The following KCNQ1 variants were observed in gnomAD, a reference collection of about 807,000 sequenced individuals.
KCNQ1 encodes potassium voltage-gated channel subfamily KQT member 1.
In KCNQ1, 49 loss-of-function variants were observed where a neutral mutation model predicts 72.4. That is an observed-to-expected ratio of 0.68 (90% confidence interval 0.54 to 0.86). The LOEUF (loss-of-function observed/expected upper bound fraction) is 0.86. Among genes scored for constraint, KCNQ1 ranks in the 40% least tolerant of loss-of-function variants. The probability of loss-of-function intolerance (pLI) is 0.00; values close to 1 mark genes in which losing one functional copy is unlikely to be tolerated. For missense variants in KCNQ1, 790 were observed against 945.1 expected (o/e 0.84, Z 2.15); for synonymous variants, 450 against 412.6 (o/e 1.09, Z -1.10).
chr11:2,529,783 T>TG (rs146130910), intron 2 of KCNQ1, among the ~76,000 whole-genome samples: 6,125 of 152,254 alleles, frequency 0.04, 262 homozygotes, highest in African/African-American at 0.11. Context: ...TGTCCAGAGC[T>TG]GGGGGTGGTA....
chr11:2,593,024 T>C lies in KCNQ1; in HGVS notation c.1393+4170T>C, dbSNP rs530062555. Among the ~76,000 whole-genome samples the C allele has an allele frequency of 6.6e-6, 1 of 152,300 alleles. No individual in the cohort carries two copies. Among genetic ancestry groups the C allele is most frequent in the Admixed American group, 6.5e-5 (1 of 15,300 alleles). Reference sequence around the variant, plus strand: ...CTACCCTGCCCCTCCTCCACTCCAGTTGTCTCCACAGCCAGGTCACCATTG... The same window carrying C: ...CTACCCTGCCCCTCCTCCACTCCAGCTGTCTCCACAGCCAGGTCACCATTG... On this transcript the variant is annotated intron_variant, in intron 10 of 15. Transcript: ENST00000155840. This position sits in a 1 kb window ranked among gnomAD's most constrained non-coding sequence, Gnocchi z 6.9.
At chr11:2,553,582 A>T (rs1848022222) in intron 2 of KCNQ1, among the ~76,000 whole-genome samples, 1 of 152,234 alleles carries the variant, frequency 6.6e-6, no homozygotes, top group African/African-American at 2.4e-5. Flanking sequence ...AGTGTGGGGA[A>T]TCGCACTGAT....
rs1850161479 is a variant in KCNQ1, at chr11:2,670,376, C to T, written c.1514+8295C>T. 2.5e-6 allele frequency: 1 copy of T among 398,228 alleles called. No homozygotes were observed. Among genetic ancestry groups the T allele is most frequent in the Non-Finnish European group, 4.4e-6 (1 of 226,020 alleles). 24.7% of individuals were successfully genotyped at this position (398,228 alleles called of 1,614,324 possible). On this transcript the variant is annotated intron_variant, in intron 11 of 15. Transcript: ENST00000155840. The surrounding 1 kb of genome is among the most constrained non-coding windows in gnomAD (Gnocchi z 4.9). ...AGATGGTTAGTATAGGCTGAAATTC[C>T]AAGAGCATTAACCAGACACCTACTA...
Position 2,621,585 on chromosome 11 carries a change from C to A in KCNQ1, c.1393+32731C>A. ...TCTCTTTGCTATTGGTCTGTTCAGG[C>A]TTTCTATTCCTGATTTAATCTTAGC... On this transcript the variant is annotated intron_variant, in intron 10 of 15. Coordinates refer to ENST00000155840, the MANE Select transcript of KCNQ1 (RefSeq NM_000218.3). This position sits in a 1 kb window ranked among gnomAD's most constrained non-coding sequence, Gnocchi z 5.7. The A allele has an allele frequency of 2.5e-6, 1 of 398,410 alleles. No homozygotes were observed. The highest frequency in any genetic ancestry group is 4.4e-6 in the Non-Finnish European group (1 of 226,002). 24.7% of individuals were successfully genotyped at this position (398,410 alleles called of 1,614,324 possible). A position where few individuals can be genotyped will look rare whatever the true frequency, so the allele number is the denominator to read the frequency against.
rs934532857 is a variant in KCNQ1, at chr11:2,752,846, G to A, written c.1515-15998G>A. On this transcript the variant is annotated intron_variant, in intron 11 of 15. Coordinates refer to ENST00000155840, the MANE Select transcript of KCNQ1 (RefSeq NM_000218.3). The surrounding 1 kb of genome is among the most constrained non-coding windows in gnomAD (Gnocchi z 5.2). The stretch of plus-strand genomic sequence containing the variant: ...ACTGGTTCCTTTCTTTCGGTTCTGG[G>A]TTATGTCAAAATGAGTTCCCTTTGC... Among the ~76,000 whole-genome samples the A allele has an allele frequency of 9.9e-5, 15 of 152,248 alleles. No individual in the cohort carries two copies. The highest frequency in any genetic ancestry group is 6.5e-4 in the Admixed American group (10 of 15,294).
chr11:2,663,789 T>C lies in KCNQ1; in HGVS notation c.1514+1708T>C, dbSNP rs1850012599. ...CACAGCCAAACTTGCAGCTGCCCAG[T>C]AAATCACCACTATGGGGGTGAGGGC... On this transcript the variant is annotated intron_variant, in intron 11 of 15. Coordinates refer to ENST00000155840, the MANE Select transcript of KCNQ1 (RefSeq NM_000218.3). The surrounding 1 kb of genome is among the most constrained non-coding windows in gnomAD (Gnocchi z 5.2). The C allele has an allele frequency of 2.5e-6, 1 of 398,564 alleles. No homozygotes were observed. The highest frequency in any genetic ancestry group is 1.3e-4 in the South Asian group (1 of 7,862). 24.7% of individuals were successfully genotyped at this position (398,564 alleles called of 1,614,324 possible).
Position 2,488,585 on chromosome 11 carries a change from T to C in KCNQ1, c.387-39343T>C, listed in dbSNP as rs991493185. On this transcript the variant is annotated intron_variant, in intron 1 of 15. Transcript: ENST00000155840. The surrounding 1 kb of genome is among the most constrained non-coding windows in gnomAD (Gnocchi z 5.1). ...TCTTTGTGATTTAGTTTTGGTAGGT[T>C]TCGTGTTTCTCAGAATTTGTCCATT... is the stretch of plus-strand genomic sequence containing the variant. Among the ~76,000 whole-genome samples, 1 of 152,212 alleles carries C rather than the reference T, an allele frequency of 6.6e-6. No individual in the cohort carries two copies. The highest frequency in any genetic ancestry group is 2.4e-5 in the African/African-American group (1 of 41,446).
chr11:2,767,881 G>A lies in KCNQ1; in HGVS notation c.1515-963G>A, dbSNP rs544104871. On this transcript the variant is annotated intron_variant, in intron 11 of 15. Coordinates refer to ENST00000155840, the MANE Select transcript of KCNQ1 (RefSeq NM_000218.3). The surrounding 1 kb of genome is among the most constrained non-coding windows in gnomAD (Gnocchi z 4.6). Reference sequence around the variant, plus strand: ...TAGAGGACCAGAATCTTTTTCCCTCGTGTCCTGGCTGTCCTGTGGCCCTGG... The same window carrying A: ...TAGAGGACCAGAATCTTTTTCCCTCATGTCCTGGCTGTCCTGTGGCCCTGG... 1.1e-4 allele frequency among the ~76,000 whole-genome samples: 17 copies of A among 152,192 alleles called. No homozygotes were observed. The highest frequency in any genetic ancestry group is 1.6e-4 in the Non-Finnish European group (11 of 68,028).
rs923754980 is a variant in KCNQ1, at chr11:2,690,299, T to C, written c.1514+28218T>C. 3 of 398,588 alleles carry C rather than the reference T, an allele frequency of 7.5e-6. No individual in the cohort carries two copies. The highest frequency in any genetic ancestry group is 4.1e-5 in the African/African-American group (2 of 48,644). The allele number at this position is 398,588 out of a possible 1,614,324, so 24.7% of individuals were successfully genotyped here. On this transcript the variant is annotated intron_variant, in intron 11 of 15. Transcript: ENST00000155840. The surrounding 1 kb of genome is among the most constrained non-coding windows in gnomAD (Gnocchi z 5.1). ...CATATGTGTAGTGTCTTCCTCCCTG[T>C]AGGATTGTCACAAGGATTAAATGAT...
intron 1 of KCNQ1, among the ~76,000 whole-genome samples, chr11:2,511,585 CA>C (rs1234331842): frequency 6.6e-6 from 1 of 152,220 alleles, no homozygotes; most frequent in Non-Finnish European, 1.5e-5. Flanking sequence ...CCCCTCCTGC[CA>C]GAGCTGGGCT....
Position 2,683,995 on chromosome 11 carries a change from G to A in KCNQ1, c.1514+21914G>A. The A allele has an allele frequency of 2.5e-6, 1 of 397,862 alleles. No homozygotes were observed. The highest frequency in any genetic ancestry group is 4.4e-6 in the Non-Finnish European group (1 of 225,974). 24.6% of individuals were successfully genotyped at this position (397,862 alleles called of 1,614,324 possible). On this transcript the variant is annotated intron_variant, in intron 11 of 15. Transcript: ENST00000155840. This position sits in a 1 kb window ranked among gnomAD's most constrained non-coding sequence, Gnocchi z 4.7. Reference sequence around the variant, plus strand: ...TTTTTCATTTAGAAGAATTTCCTTGGCAACTCCGTCTCTCCTTAGTCAACA... The same window carrying A: ...TTTTTCATTTAGAAGAATTTCCTTGACAACTCCGTCTCTCCTTAGTCAACA...
In KCNQ1 at chr11:2,477,814, A is replaced by G. The variant is rs991251440; in HGVS notation, c.386+32330A>G. ...ATTATAATTCATGAAAAAAGAATCTATGCATCCACAGGGACACACCCATGT... is the reference window on the plus strand; with the variant it reads ...ATTATAATTCATGAAAAAAGAATCTGTGCATCCACAGGGACACACCCATGT... On this transcript the variant is annotated intron_variant, in intron 1 of 15. Coordinates refer to ENST00000155840, the MANE Select transcript of KCNQ1 (RefSeq NM_000218.3). This position sits in a 1 kb window ranked among gnomAD's most constrained non-coding sequence, Gnocchi z 5.0. 3.3e-5 allele frequency among the ~76,000 whole-genome samples: 5 copies of G among 152,124 alleles called. No homozygotes were observed. Among genetic ancestry groups the G allele is most frequent in the African/African-American group, 9.7e-5 (4 of 41,422 alleles).
Position 2,588,354 on chromosome 11 carries a change from C to T in KCNQ1, c.1252-359C>T, listed in dbSNP as rs759317456. On this transcript the variant is annotated intron_variant, in intron 9 of 15. Coordinates refer to ENST00000155840, the MANE Select transcript of KCNQ1 (RefSeq NM_000218.3). The surrounding 1 kb of genome is among the most constrained non-coding windows in gnomAD (Gnocchi z 5.6). ...AGCCTGCTCCCTCACTTCAGGCGCC[C>T]TCTTCATGCCCTGCTGGCCCCCAGC... 2.0e-5 allele frequency among the ~76,000 whole-genome samples: 3 copies of T among 152,226 alleles called. No individual in the cohort carries two copies. The highest frequency in any genetic ancestry group is 4.4e-5 in the Non-Finnish European group (3 of 68,030).
At chr11:2,582,889 C>G (rs538412326) in intron 6 of KCNQ1, among the ~76,000 whole-genome samples, 4 of 152,166 alleles carry the variant, frequency 2.6e-5, no homozygotes, top group African/African-American at 9.7e-5. Context: ...TCCCACCACA[C>G]GTCCTGGACG....
In KCNQ1 at chr11:2,652,302, A is replaced by G; in HGVS notation, c.1394-9659A>G. Reference sequence around the variant, plus strand: ...GGTTTCCAAGGCTTCTCCCTCACTAATTGCTTTGATTATTGTGTGAAGTTA... The same window carrying G: ...GGTTTCCAAGGCTTCTCCCTCACTAGTTGCTTTGATTATTGTGTGAAGTTA... On this transcript the variant is annotated intron_variant, in intron 10 of 15. Coordinates refer to ENST00000155840, the MANE Select transcript of KCNQ1 (RefSeq NM_000218.3). The surrounding 1 kb of genome is among the most constrained non-coding windows in gnomAD (Gnocchi z 5.9). 2.5e-6 allele frequency: 1 copy of G among 398,610 alleles called. No homozygotes were observed. Among genetic ancestry groups the G allele is most frequent in the Non-Finnish European group, 4.4e-6 (1 of 226,060 alleles). 24.7% of individuals were successfully genotyped at this position (398,610 alleles called of 1,614,324 possible).
chr11:2,699,553 C>T (rs191701792), intron 11 of KCNQ1: 9 of 332,474 alleles, frequency 2.7e-5, no homozygotes, highest in African/African-American at 7.7e-5. Context: ...GAGGACCGCG[C>T]GGAGGAGAAC....
chr11:2,596,927 T>C (rs1388589295), intron 10 of KCNQ1, among the ~76,000 whole-genome samples: 1 of 151,792 alleles, frequency 6.6e-6, no homozygotes, highest in Non-Finnish European at 1.5e-5. Context: ...ATACTGAAAA[T>C]AATTTTTTAT....
At position 2,654,394 on chromosome 11, in the gene KCNQ1, C is replaced by T. The variant is rs926170712; in HGVS notation, c.1394-7567C>T. ...GTGAAGTAGGCTGGCTCAGGGAACTCGCCTGTGCCAAACCCTGGGGAGACA... is the reference window on the plus strand; with the variant it reads ...GTGAAGTAGGCTGGCTCAGGGAACTTGCCTGTGCCAAACCCTGGGGAGACA... On this transcript the variant is annotated intron_variant, in intron 10 of 15. Transcript: ENST00000155840. The surrounding 1 kb of genome is among the most constrained non-coding windows in gnomAD (Gnocchi z 6.4). 57 of 398,466 alleles carry T rather than the reference C, an allele frequency of 1.4e-4. No individual in the cohort carries two copies. Among genetic ancestry groups the T allele is most frequent in the Non-Finnish European group, 2.3e-4 (53 of 226,104 alleles). The allele number at this position is 398,466 out of a possible 1,614,324, so 24.7% of individuals were successfully genotyped here.
In KCNQ1 at chr11:2,676,098, C is replaced by A. The variant is rs755031893; in HGVS notation, c.1514+14017C>A. 1.3e-4 allele frequency: 51 copies of A among 398,482 alleles called. No homozygotes were observed. The highest frequency in any genetic ancestry group is 2.0e-4 in the Non-Finnish European group (45 of 226,066). 24.7% of individuals were successfully genotyped at this position (398,482 alleles called of 1,614,324 possible). On this transcript the variant is annotated intron_variant, in intron 11 of 15. Coordinates refer to ENST00000155840, the MANE Select transcript of KCNQ1 (RefSeq NM_000218.3). This position sits in a 1 kb window ranked among gnomAD's most constrained non-coding sequence, Gnocchi z 4.2. ...ACAAATATACGTGTGTCTGTGTGTG[C>A]ATGTACTTAGTAGATACGGCTCCTT...
Sources: gnomAD v4.1 joint callset for allele counts (sites outside exome capture counted in the v4.1 genomes callset) on GRCh38, gnomAD v4.1.1 for gene constraint, Gnocchi (gnomAD v3.1) non-coding constraint, MANE v1.5 for transcripts, NCBI Gene and HGNC (gene_info 2026-07-23, HGNC 2026-07-21) for gene names.